VPS13B: variants seen among roughly 807,000 people sequenced by gnomAD.
VPS13B encodes vacuolar protein sorting 13 homolog B.
Under a neutral mutation model 426.4 loss-of-function variants are expected in VPS13B, and 285 were observed. The observed-to-expected ratio is 0.67, with a 90% confidence interval of 0.61 to 0.74. The LOEUF is 0.74. VPS13B is among the 30% of genes least tolerant of loss of function. The pLI is 0.00. For synonymous variants in VPS13B, 1,676 were observed against 1,676.4 expected, an observed-to-expected ratio of 1.00 and a Z score of 0.01; for missense variants, 4,537 against 4,782.6, an observed-to-expected ratio of 0.95 and a Z score of 1.51.
At chr8:99,253,608 C>A (rs1817612419) in intron 17 of VPS13B, among the ~76,000 whole-genome samples, 1 of 152,034 alleles carries the variant, frequency 6.6e-6, no homozygotes, top group Non-Finnish European at 1.5e-5. Context: ...TTTCAACTTG[C>A]CTACATTGTT....
At chr8:99,166,126 C>A (rs891796788) in intron 15 of VPS13B, among the ~76,000 whole-genome samples, 1 of 152,054 alleles carries the variant, frequency 6.6e-6, no homozygotes, top group Admixed American at 6.6e-5. Context: ...ATTACAGGCA[C>A]GTGCCACCAC....
At chr8:99,423,184 G>A (rs974390479) in intron 21 of VPS13B, among the ~76,000 whole-genome samples, 2 of 151,498 alleles carry the variant, frequency 1.3e-5, no homozygotes, top group African/African-American at 4.9e-5. Context: ...TAAATTGTTT[G>A]CATGCACCCT....
chr8:99,839,951 G>A (rs1043197148), intron 54 of VPS13B, among the ~76,000 whole-genome samples: 2 of 152,260 alleles, frequency 1.3e-5, no homozygotes, highest in African/African-American at 4.8e-5. Flanking sequence ...ATACAGCAAC[G>A]CTACAATTAT....
chr8:99,833,174 C>T (rs112697543), intron 52 of VPS13B, among the ~76,000 whole-genome samples: 101 of 152,264 alleles, frequency 6.6e-4, no homozygotes, highest in East Asian at 1.3e-3. Context: ...GTTCTGTGGT[C>T]GTTCCTGCAC....
intron 21 of VPS13B, among the ~76,000 whole-genome samples, chr8:99,400,380 A>T (rs1302761933): frequency 1.3e-5 from 2 of 152,226 alleles, no homozygotes; most frequent in African/African-American, 4.8e-5. Context: ...ACTGAATACT[A>T]AGAAGGAATA....
intron 35 of VPS13B, chr8:99,697,694 A>G: frequency 1.6e-6 from 1 of 637,672 alleles, no homozygotes; most frequent in South Asian, 1.6e-5. Flanking sequence ...TTGATCTCAC[A>G]CCTGGAGATG....
rs562507902 is a variant in VPS13B, at chr8:99,665,262, G to C, written c.6046+3771G>C. On this transcript the variant is annotated intron_variant, in intron 35 of 61. Coordinates refer to ENST00000357162, the MANE Select transcript of VPS13B (RefSeq NM_152564.5). ...GGTTGCAAAAATTTTCTCCCATTCT[G>C]TAGGTTGCCTGTTCACTCTGATGGT... Among the ~76,000 whole-genome samples the C allele has an allele frequency of 5.3e-5, 8 of 152,236 alleles. No homozygotes were observed. In the South Asian group the frequency reaches 1.7e-3, roughly 32 times the overall value.
At chr8:99,746,817 A>G (rs1049275742) in intron 39 of VPS13B, among the ~76,000 whole-genome samples, 3 of 152,260 alleles carry the variant, frequency 2.0e-5, no homozygotes, top group East Asian at 1.9e-4. Context: ...ACTGCCATCA[A>G]TAAAGCAATG....
intron 5 of VPS13B, among the ~76,000 whole-genome samples, chr8:99,105,073 C>T (rs2132461452): frequency 6.6e-6 from 1 of 152,300 alleles, no homozygotes; most frequent in East Asian, 1.9e-4. Context: ...TTAAGGCATA[C>T]AACTAGGAAG....
At chr8:99,502,974 A>C in intron 27 of VPS13B, 24 bp downstream of exon 27, 1 of 1,522,418 alleles carries the variant, frequency 6.6e-7, no homozygotes, top group Non-Finnish European at 9.1e-7. Context: ...AATGAATATA[A>C]GAAAATCTGT....
chr8:99,338,964 G>C (rs952334887), intron 19 of VPS13B, among the ~76,000 whole-genome samples: 2 of 152,092 alleles, frequency 1.3e-5, no homozygotes, highest in Non-Finnish European at 2.9e-5. Flanking sequence ...AGATCAAAAA[G>C]AAAGTCAATT....
chr8:99,325,398 C>G (rs1199310412), intron 19 of VPS13B, among the ~76,000 whole-genome samples: 2 of 152,218 alleles, frequency 1.3e-5, no homozygotes, highest in Non-Finnish European at 2.9e-5. Flanking sequence ...ATTGTCCAGA[C>G]TATCAGATAA....
intron 23 of VPS13B, among the ~76,000 whole-genome samples, chr8:99,456,627 A>G (rs1405555029): frequency 6.6e-6 from 1 of 152,164 alleles, no homozygotes; most frequent in Non-Finnish European, 1.5e-5. Flanking sequence ...AATCATGTGA[A>G]CCTAGTATTT....
In VPS13B at chr8:99,556,472, C is replaced by T. The variant is rs371397733; in HGVS notation, c.4768C>T (p.Leu1590Phe). Residue 1590 changes from leucine to phenylalanine, a missense_variant, in exon 31 of 62, where the codon CTT (leucine) becomes TTT (phenylalanine). Leu to Phe is a conservative substitution (Grantham distance 22). Around this residue, in one of 2 missense-constraint regions of VPS13B, gnomAD observed 4,311 missense variants for 4,474.3 expected, o/e 0.96. Transcript: ENST00000357162. Reference sequence around the variant, plus strand: ...CAGGAGAGCCTTGAACTTAGGAATTCTTCGAGATCCTGGATCAGAAATCGA... The same window carrying T: ...CAGGAGAGCCTTGAACTTAGGAATTTTTCGAGATCCTGGATCAGAAATCGA... ...IYQRALNLGI[L>F]RDPGSEIEDR... The T allele has an allele frequency of 6.2e-7, 1 of 1,612,628 alleles. No individual in the cohort carries two copies. Among genetic ancestry groups the T allele is most frequent in the Non-Finnish European group, 8.5e-7 (1 of 1,179,414 alleles).
intron 6 of VPS13B, among the ~76,000 whole-genome samples, chr8:99,113,942 AT>A (rs896388291): frequency 3.3e-5 from 5 of 151,304 alleles, no homozygotes; most frequent in Admixed American, 6.6e-5. Flanking sequence ...ATAATTTTCC[AT>A]TTTTTTTGTG....
chr8:99,859,678 G>T (rs546750145), intron 57 of VPS13B, among the ~76,000 whole-genome samples, 198 bp downstream of exon 57: 1 of 152,180 alleles, frequency 6.6e-6, no homozygotes, highest in Non-Finnish European at 1.5e-5. Flanking sequence ...CTTGCCTCTG[G>T]TGTGTGAAAA....
At chr8:99,754,969 G>A (rs941641367) in intron 39 of VPS13B, among the ~76,000 whole-genome samples, 2 of 152,242 alleles carry the variant, frequency 1.3e-5, no homozygotes, top group South Asian at 4.1e-4. Flanking sequence ...AAAGTTGCTT[G>A]AGGCAGTGGG....
intron 54 of VPS13B, among the ~76,000 whole-genome samples, chr8:99,835,993 C>T (rs1815373193): frequency 6.6e-6 from 1 of 152,054 alleles, no homozygotes; most frequent in Non-Finnish European, 1.5e-5. Context: ...GGATCTAATC[C>T]AAGGTTGAAA....
At chr8:99,043,626 C>T (rs1030507388) in intron 3 of VPS13B, among the ~76,000 whole-genome samples, 8 of 152,060 alleles carry the variant, frequency 5.3e-5, no homozygotes, top group African/African-American at 1.9e-4. Flanking sequence ...TAGCTATCAT[C>T]CATTGATTTT....
Sources: allele counts gnomAD v4.1 joint callset (sites outside exome capture counted in the v4.1 genomes callset), GRCh38; gene constraint gnomAD v4.1.1; regional missense constraint gnomAD v4.1.1; transcripts MANE v1.5; gene names NCBI Gene and HGNC (gene_info 2026-07-23, HGNC 2026-07-21).